CNTN5: variants seen among roughly 807,000 people sequenced by gnomAD.
The protein encoded by CNTN5 is contactin-5.
CNTN5 carries 77 observed loss-of-function variants against 129.1 expected under a neutral mutation model. The observed-to-expected ratio is 0.60, with a 90% CI of 0.50 to 0.72. The LOEUF (loss-of-function observed/expected upper bound fraction) is 0.72. CNTN5 is among the 30% of genes least tolerant of loss of function. The pLI, the probability that CNTN5 is intolerant of heterozygous loss-of-function variation, is 0.00. For missense variants in CNTN5, 1,478 were observed against 1,328.8 expected, an observed-to-expected ratio of 1.11 and a Z score of -1.75; for synonymous variants, 509 against 465.6, an observed-to-expected ratio of 1.09 and a Z score of -1.20.
At chr11:99,813,245 G>A (rs960067074) in intron 3 of CNTN5, among the ~76,000 whole-genome samples, 2 of 152,120 alleles carry the variant, frequency 1.3e-5, no homozygotes, top group African/African-American at 4.8e-5. Context: ...GTCTGGTCCA[G>A]ACCCCATCAG....
At chr11:100,172,801 A>G (rs1947862715) in intron 13 of CNTN5, among the ~76,000 whole-genome samples, 1 of 152,106 alleles carries the variant, frequency 6.6e-6, no homozygotes, top group Non-Finnish European at 1.5e-5. Flanking sequence ...GAAAGAGGTT[A>G]TGATTATGAG....
At chr11:99,841,635 AGAG>A (rs35574025) in intron 4 of CNTN5, among the ~76,000 whole-genome samples, 27 of 151,768 alleles carry the variant, frequency 1.8e-4, no homozygotes, top group East Asian at 1.6e-3. Flanking sequence ...CATCAGCAGA[AGAG>A]GAGGAGGAGA....
chr11:100,043,985 C>G lies in CNTN5; in HGVS notation c.981-17227C>G, dbSNP rs115106608. Among the ~76,000 whole-genome samples, 1,178 of 151,950 alleles carry G rather than the reference C, an allele frequency of 7.8e-3. 15 individuals carry two copies. The highest frequency in any genetic ancestry group is 0.027 in the African/African-American group (1,119 of 41,426). ...GAAGTGTGTTTAGTGTAACCATCAC[C>G]TGAATAATGTACATTGTGCCCGTTA... On this transcript the variant is annotated intron_variant, in intron 9 of 24. Coordinates refer to ENST00000524871, the MANE Select transcript of CNTN5 (RefSeq NM_014361.4).
rs995017359 is a variant in CNTN5, at chr11:99,323,977, C to T, written c.-209-1369C>T. On this transcript the variant is annotated intron_variant, in intron 1 of 24. Transcript: ENST00000524871. ...GAAGACAAAAAGGAATCTATAGTTC[C>T]TTCTGTTCACAATTTGTATACTACA... Among the ~76,000 whole-genome samples the T allele has an allele frequency of 2.6e-5, 4 of 152,214 alleles. No homozygotes were observed. In the Middle Eastern group the frequency reaches 0.01, roughly 391 times the overall value.
chr11:99,487,183 C>G (rs1945851252), intron 2 of CNTN5, among the ~76,000 whole-genome samples: 1 of 152,176 alleles, frequency 6.6e-6, no homozygotes, highest in South Asian at 2.1e-4. Context: ...CTGAGTGTTA[C>G]CATCACGTGT....
rs180925377 is a variant in CNTN5, at chr11:100,357,619, A to G, written c.*1399A>G. The G allele has an allele frequency of 1.2e-4, 18 of 151,874 alleles. No individual in the cohort carries two copies. The East Asian group carries it at 2.9e-3, about 24-fold the overall frequency. 9.4% of individuals were successfully genotyped at this position (151,874 alleles called of 1,614,324 possible). A position where few individuals can be genotyped will look rare whatever the true frequency, so the allele number is the denominator to read the frequency against. On this transcript the variant is annotated 3_prime_UTR_variant, in exon 25 of 25. Coordinates refer to ENST00000524871, the MANE Select transcript of CNTN5 (RefSeq NM_014361.4). The stretch of plus-strand genomic sequence containing the variant: ...ATATGCCAGAGAAGAGCCTGGAGAA[A>G]CTATGGTTTTATAGGCGATGTTAAC...
intron 2 of CNTN5, among the ~76,000 whole-genome samples, chr11:99,405,176 T>C (rs12282597): frequency 0.034 from 5,107 of 152,216 alleles, 285 homozygotes; most frequent in African/African-American, 0.12. Flanking sequence ...TTTGGGATTT[T>C]AATTATTAAA....
At chr11:99,715,148 A>G (rs1178474069) in intron 3 of CNTN5, among the ~76,000 whole-genome samples, 1 of 152,028 alleles carries the variant, frequency 6.6e-6, no homozygotes, top group Non-Finnish European at 1.5e-5. Context: ...AGGAAATTTT[A>G]TTTGTAATAG....
intron 6 of CNTN5, among the ~76,000 whole-genome samples, chr11:99,857,204 A>G (rs1421531728): frequency 6.6e-6 from 1 of 152,076 alleles, no homozygotes; most frequent in African/African-American, 2.4e-5. Flanking sequence ...CAAGCACACC[A>G]CTGACTTTAT....
At chr11:99,212,432 G>A (rs1015342256) in intron 1 of CNTN5, among the ~76,000 whole-genome samples, 3 of 152,044 alleles carry the variant, frequency 2.0e-5, no homozygotes, top group African/African-American at 4.8e-5. Flanking sequence ...TTCCACTATC[G>A]ATAATACCTA....
intron 1 of CNTN5, among the ~76,000 whole-genome samples, chr11:99,063,341 T>C (rs1864963569): frequency 6.6e-6 from 1 of 151,920 alleles, no homozygotes; most frequent in Non-Finnish European, 1.5e-5. Context: ...AGAGAGGAGA[T>C]TGAGGAGGAG....
intron 6 of CNTN5, among the ~76,000 whole-genome samples, chr11:99,871,407 C>G (rs1040245553): frequency 6.6e-6 from 1 of 151,946 alleles, no homozygotes; most frequent in Non-Finnish European, 1.5e-5. Flanking sequence ...GTTTAAATTG[C>G]AAATAATTGC....
intron 2 of CNTN5, among the ~76,000 whole-genome samples, chr11:99,531,893 C>T (rs1385412633): frequency 6.6e-6 from 1 of 152,160 alleles, no homozygotes; most frequent in Non-Finnish European, 1.5e-5. Flanking sequence ...CCTACATTCT[C>T]CATTCTCATG....
chr11:100,078,728 T>C (rs10894410), intron 13 of CNTN5, among the ~76,000 whole-genome samples: 120,174 of 152,040 alleles, frequency 0.79, 48,336 homozygotes, highest in East Asian at 1. Flanking sequence ...ATGTAAAATA[T>C]ATTGCCTAGT....
Position 99,315,370 on chromosome 11 carries a change from T to C in CNTN5, c.-209-9976T>C, listed in dbSNP as rs190755993. Among the ~76,000 whole-genome samples, 174 of 149,606 alleles carry C rather than the reference T, an allele frequency of 1.2e-3. 9 individuals are homozygous for C. Among genetic ancestry groups the C allele is most frequent in the African/African-American group, 3.6e-3 (149 of 41,132 alleles). ...TGGTAAGGAAACCATAAACATGTTA[T>C]AGTTTAAAGGGCAAGATGGAATTAG... On this transcript the variant is annotated intron_variant, in intron 1 of 24. Transcript: ENST00000524871.
chr11:100,302,195 A>G (rs1000752107), intron 20 of CNTN5, among the ~76,000 whole-genome samples: 1 of 151,594 alleles, frequency 6.6e-6, no homozygotes, highest in African/African-American at 2.4e-5. Context: ...GCTTTACTTA[A>G]AAAGGAGTGA....
intron 13 of CNTN5, among the ~76,000 whole-genome samples, chr11:100,110,185 T>TAAAAAAAAAAA (rs1294435145): frequency 3.4e-5 from 4 of 118,482 alleles, no homozygotes; most frequent in Admixed American, 8.8e-5. Flanking sequence ...AGACCCTATC[T>TAAAAAAAAAAA]AAAAAAAAAA....
At position 100,120,090 on chromosome 11, in the gene CNTN5, T is replaced by A. The variant is rs1025109444; in HGVS notation, c.1580+45796T>A. On this transcript the variant is annotated intron_variant, in intron 13 of 24. Transcript: ENST00000524871. The stretch of plus-strand genomic sequence containing the variant: ...CAGCAAAATGTTAATGATTGTATAA[T>A]ATCTCCTTTATGCCTGCACTGCTAC... 9.4e-5 allele frequency among the ~76,000 whole-genome samples: 5 copies of A among 53,214 alleles called. No individual in the cohort carries two copies. In the South Asian group the frequency reaches 5.3e-3, roughly 56 times the overall value. 34.9% of individuals were successfully genotyped at this position (53,214 alleles called of 152,430 possible).
chr11:99,076,354 CA>C (rs534282456), intron 1 of CNTN5, among the ~76,000 whole-genome samples: 36 of 151,356 alleles, frequency 2.4e-4, no homozygotes, highest in Admixed American at 2.1e-3. Context: ...AAAAACAAAC[CA>C]AAAAAAAGTA....
Sources: gnomAD v4.1 joint callset for allele counts (sites outside exome capture counted in the v4.1 genomes callset) on GRCh38, gnomAD v4.1.1 for gene constraint, MANE v1.5 for transcripts, NCBI Gene and HGNC (gene_info 2026-07-23, HGNC 2026-07-21) for gene names.